The following COPB2 variants were observed in gnomAD, a reference collection of about 807,000 sequenced individuals.
COPB2 encodes the protein coatomer subunit beta'.
Under a neutral mutation model 120.8 loss-of-function variants are expected in COPB2, and 16 were observed. That is an observed-to-expected ratio of 0.13 (90% confidence interval 0.09 to 0.20). The LOEUF (loss-of-function observed/expected upper bound fraction) is 0.20, where lower values mean the gene tolerates loss of function less well. Ranked by LOEUF, COPB2 falls within the 10% of genes least tolerant of loss-of-function variation. The pLI, the probability that COPB2 is intolerant of heterozygous loss-of-function variation, is 1.00. For missense variants in COPB2, 794 were observed against 1,076.5 expected, an observed-to-expected ratio of 0.74 and a Z score of 3.67; for synonymous variants, 332 against 366.3, an observed-to-expected ratio of 0.91 and a Z score of 1.07.
intron 10 of COPB2, among the ~76,000 whole-genome samples, chr3:139,371,173 T>C (rs577009423): frequency 6.6e-6 from 1 of 152,334 alleles, no homozygotes; most frequent in African/African-American, 2.4e-5. Flanking sequence ...AGTTAAATGA[T>C]CTTTCCTGCT....
chr3:139,371,291 T>C (rs552672206), intron 10 of COPB2, among the ~76,000 whole-genome samples: 1 of 152,308 alleles, frequency 6.6e-6, no homozygotes, highest in Non-Finnish European at 1.5e-5. Context: ...TTAATAAATT[T>C]CTCATCAAAA....
At chr3:139,380,667 C>T (rs1273562376) in intron 2 of COPB2, 1 of 152,136 alleles carries the variant, frequency 6.6e-6, no homozygotes, top group Non-Finnish European at 1.5e-5. Flanking sequence ...TAACCATGTG[C>T]ACTAAAAAAG....
intron 14 of COPB2, 111 bp from the exon 15 acceptor site, chr3:139,366,886 T>C (rs1941528103): frequency 6.8e-7 from 1 of 1,473,674 alleles, no homozygotes; most frequent in Admixed American, 1.9e-5. Context: ...GACACAATTC[T>C]GGTTAACAAT....
At position 139,358,800 on chromosome 3, in the gene COPB2, T is replaced by G; in HGVS notation, c.2497A>C (p.Arg833=). 6.2e-7 allele frequency: 1 copy of G among 1,612,654 alleles called. No individual in the cohort carries two copies. Among genetic ancestry groups the G allele is most frequent in the Non-Finnish European group, 8.5e-7 (1 of 1,178,722 alleles). The change falls in exon 20 of 22, where the codon AGA becomes CGA. Residue 833 remains arginine (R), a synonymous_variant. Coordinates refer to ENST00000333188, the MANE Select transcript of COPB2 (RefSeq NM_004766.3). ...QYPLVTPNEE[R]NVMEEGKDFQ... is the part of the protein sequence containing the mutation. Reference sequence around the variant, plus strand: ...TCTTTTCCCTCTTCCATGACATTTCTCTCTTCATTTGGCTATCAGAGAATA... The same window carrying G: ...TCTTTTCCCTCTTCCATGACATTTCGCTCTTCATTTGGCTATCAGAGAATA...
At chr3:139,359,218 A>C (rs1349377797) in intron 18 of COPB2, 40 bp from the exon 19 acceptor site, 1 of 1,610,982 alleles carries the variant, frequency 6.2e-7, no homozygotes, top group East Asian at 2.2e-5. Context: ...GACTAAGTAA[A>C]TGTGCTCTCT....
rs1451975982 is a variant in COPB2, at chr3:139,361,306, A to G, written c.1996-11T>C. The G allele has an allele frequency of 6.2e-7, 1 of 1,606,308 alleles. No individual in the cohort carries two copies. Among genetic ancestry groups the G allele is most frequent in the Admixed American group, 1.7e-5 (1 of 59,556 alleles). On this transcript the variant is annotated splice_polypyrimidine_tract_variant and intron_variant, in intron 16 of 21. Transcript: ENST00000333188. ...CCACTTCTGTTCTGACTGTAAGAAA[A>G]GAGTTTCCAAGTTAAAATATCTTTA...
intron 18 of COPB2, 32 bp from the exon 19 acceptor site, chr3:139,359,210 C>G (rs925455421): frequency 1.2e-6 from 2 of 1,610,776 alleles, no homozygotes; most frequent in East Asian, 4.5e-5. Flanking sequence ...CAAAGAGAGA[C>G]TAAGTAAATG....
chr3:139,387,083 C>T (rs1157144008), intron 1 of COPB2, among the ~76,000 whole-genome samples: 6 of 151,500 alleles, frequency 4.0e-5, no homozygotes, highest in South Asian at 2.1e-4. Context: ...TGGTGGCACG[C>T]GCCTGCAGTC....
At chr3:139,367,772 A>G (rs1306831408) in intron 13 of COPB2, among the ~76,000 whole-genome samples, 2 of 152,220 alleles carry the variant, frequency 1.3e-5, no homozygotes, top group African/African-American at 2.4e-5. Flanking sequence ...CCTTCATAAC[A>G]TGACAATGAA....
At chr3:139,368,110 A>G (rs766391790) in intron 13 of COPB2, 35 bp downstream of exon 13, 160 of 1,593,808 alleles carry the variant, frequency 1.0e-4, no homozygotes, top group Non-Finnish European at 1.2e-4. Context: ...ATTTAAAAAC[A>G]AAGCTGAAAG....
At chr3:139,377,837 C>T (rs1441267055) in intron 5 of COPB2, among the ~76,000 whole-genome samples, 1 of 152,184 alleles carries the variant, frequency 6.6e-6, no homozygotes, top group Non-Finnish European at 1.5e-5. Context: ...AAACGCTCCT[C>T]ATTAAGAGCA....
intron 2 of COPB2, chr3:139,380,838 G>A (rs765128197): frequency 5.3e-5 from 8 of 152,084 alleles, no homozygotes; most frequent in Non-Finnish European, 1.2e-4. Flanking sequence ...CACAACATGC[G>A]ATCTATAACA....
At position 139,358,759 on chromosome 3, in the gene COPB2, T is replaced by C; in HGVS notation, c.2538A>G (p.Arg846=). Residue 846 remains arginine (R), a synonymous_variant, in exon 20 of 22, where the codon AGA becomes AGG. Coordinates refer to ENST00000333188, the MANE Select transcript of COPB2 (RefSeq NM_004766.3). ...MEEGKDFQPS[R]STAQQELDGK... Reference sequence around the variant, plus strand: ...CTCTACTGACCTGTTGAGCTGTAGATCTTGAGGGCTGAAAGTCTTTTCCCT... The same window carrying C: ...CTCTACTGACCTGTTGAGCTGTAGACCTTGAGGGCTGAAAGTCTTTTCCCT... The C allele has an allele frequency of 6.2e-7, 1 of 1,612,418 alleles. No homozygotes were observed. Among genetic ancestry groups the C allele is most frequent in the Non-Finnish European group, 8.5e-7 (1 of 1,178,578 alleles).
intron 2 of COPB2, 60 bp from the exon 3 acceptor site, chr3:139,379,526 T>C: frequency 7.5e-7 from 1 of 1,340,310 alleles, no homozygotes; most frequent in Admixed American, 1.8e-5. Flanking sequence ...CAAAATCTAC[T>C]CTGTTATATT....
At chr3:139,376,162 C>T (rs1941709998) in intron 5 of COPB2, among the ~76,000 whole-genome samples, 1 of 152,184 alleles carries the variant, frequency 6.6e-6, no homozygotes, top group Non-Finnish European at 1.5e-5. Context: ...GAGGCTGAGG[C>T]AGGAGGATCG....
chr3:139,387,696 A>C (rs1347178617), intron 1 of COPB2, among the ~76,000 whole-genome samples: 2 of 152,224 alleles, frequency 1.3e-5, no homozygotes, highest in African/African-American at 4.8e-5. Context: ...AACAGATACC[A>C]TAACACAAGA....
At chr3:139,358,557 AATT>A in intron 20 of COPB2, 184 bp downstream of exon 20, 1 of 609,842 alleles carries the variant, frequency 1.6e-6, no homozygotes, top group Non-Finnish European at 2.9e-6. Flanking sequence ...GGGCGCCTGT[AATT>A]ACCCCAGCTA....
intron 12 of COPB2, among the ~76,000 whole-genome samples, chr3:139,368,534 C>A (rs1261811460): frequency 6.6e-6 from 1 of 152,194 alleles, no homozygotes; most frequent in Non-Finnish European, 1.5e-5. Context: ...GAATGTGCTA[C>A]ACAGAGGACC....
intron 5 of COPB2, among the ~76,000 whole-genome samples, chr3:139,376,632 A>G (rs944382606): frequency 1.3e-5 from 2 of 152,272 alleles, no homozygotes; most frequent in African/African-American, 2.4e-5. Flanking sequence ...ATTCAGACAC[A>G]TAACATTTTA....
Sources: allele counts gnomAD v4.1 joint callset (sites outside exome capture counted in the v4.1 genomes callset), GRCh38; gene constraint gnomAD v4.1.1; transcripts MANE v1.5; gene names NCBI Gene and HGNC (gene_info 2026-07-23, HGNC 2026-07-21).